The following ZDHHC15 variants were observed in gnomAD, a reference collection of about 807,000 sequenced individuals.
ZDHHC15 encodes the protein palmitoyltransferase ZDHHC15.
In ZDHHC15, 19 loss-of-function variants were observed where a neutral mutation model predicts 31.7. The observed-to-expected ratio is 0.60, with a 90% CI of 0.42 to 0.88. The LOEUF is 0.88. Ranked by LOEUF, ZDHHC15 falls within the 40% of genes least tolerant of loss-of-function variation. ZDHHC15 has a pLI of 0.00. For missense variants in ZDHHC15, 209 were observed against 251.2 expected (o/e 0.83, Z 1.14); for synonymous variants, 103 against 90.0 (o/e 1.14, Z -0.82).
intron 10 of ZDHHC15, among the ~76,000 whole-genome samples, chrX:75,405,600 T>C (rs139440367): frequency 0.021 from 2,331 of 111,493 alleles, 37 homozygotes; most frequent in South Asian, 0.12. Context: ...AAAGGGTCAA[T>C]TCAACAAGAT....
intron 10 of ZDHHC15, among the ~76,000 whole-genome samples, chrX:75,414,930 TA>T (rs1355539663): frequency 2.8e-5 from 3 of 106,639 alleles, no homozygotes; most frequent in Admixed American, 1.0e-4. Context: ...CATACCTGGC[TA>T]TTTTTTTTTT....
At chrX:75,472,995 G>T (rs1256589870) in intron 3 of ZDHHC15, among the ~76,000 whole-genome samples, 1 of 112,069 alleles carries the variant, frequency 8.9e-6, no homozygotes, top group Non-Finnish European at 1.9e-5. Context: ...CCGAATACAG[G>T]TTTACCTATC....
At chrX:75,390,289 C>T (rs777894495) in intron 10 of ZDHHC15, among the ~76,000 whole-genome samples, 1 of 111,998 alleles carries the variant, frequency 8.9e-6, no homozygotes, top group East Asian at 2.8e-4. Context: ...TGGGGGAATT[C>T]GCCACCCAGA....
intron 9 of ZDHHC15, among the ~76,000 whole-genome samples, chrX:75,419,434 A>G: frequency 9.0e-6 from 1 of 111,478 alleles, no homozygotes; most frequent in South Asian, 3.8e-4. Context: ...GCGATCATGA[A>G]AAAGTCAGGA....
At chrX:75,460,008 T>A (rs960993606) in intron 3 of ZDHHC15, among the ~76,000 whole-genome samples, 2 of 112,200 alleles carry the variant, frequency 1.8e-5, no homozygotes, top group Non-Finnish European at 3.8e-5. Flanking sequence ...CCCAAATAGC[T>A]GGGATTACAG....
intron 3 of ZDHHC15, among the ~76,000 whole-genome samples, chrX:75,454,770 A>T (rs1490933860): frequency 1.8e-5 from 2 of 111,294 alleles, no homozygotes; most frequent in Non-Finnish European, 3.8e-5. Flanking sequence ...ATAATAATAA[A>T]AAATAAAAAT....
At chrX:75,451,517 G>A (rs1365491236) in intron 3 of ZDHHC15, among the ~76,000 whole-genome samples, 1 of 111,707 alleles carries the variant, frequency 9.0e-6, no homozygotes, top group East Asian at 2.8e-4. Flanking sequence ...TGCTAATCTT[G>A]CAAAAGATAT....
At chrX:75,499,646 G>T (rs759513885) in intron 2 of ZDHHC15, among the ~76,000 whole-genome samples, 21 of 111,759 alleles carry the variant, frequency 1.9e-4, no homozygotes, top group Non-Finnish European at 3.4e-4. Flanking sequence ...CATGAATGTG[G>T]TAAAAAGGGA....
At chrX:75,470,132 A>G (rs5981874) in intron 3 of ZDHHC15, among the ~76,000 whole-genome samples, 1,537 of 111,150 alleles carry the variant, frequency 0.014, 19 homozygotes, top group African/African-American at 0.048. Flanking sequence ...TGGGATGGGG[A>G]AGGCAGACCC....
At chrX:75,432,682 A>T in intron 4 of ZDHHC15, among the ~76,000 whole-genome samples, 1 of 111,794 alleles carries the variant, frequency 8.9e-6, no homozygotes, top group Middle Eastern at 4.6e-3. Flanking sequence ...GTGATCTGTC[A>T]AAATCTACAT....
intron 2 of ZDHHC15, among the ~76,000 whole-genome samples, chrX:75,486,998 T>C (rs905958800): frequency 1.8e-5 from 2 of 111,667 alleles, no homozygotes; most frequent in East Asian, 5.7e-4. Flanking sequence ...CTAGCCAATG[T>C]AGGGCAAGAT....
intron 5 of ZDHHC15, among the ~76,000 whole-genome samples, chrX:75,430,831 G>T (rs916359483): frequency 9.0e-6 from 1 of 111,266 alleles, no homozygotes; most frequent in Non-Finnish European, 1.9e-5. Flanking sequence ...TCCTCCCCCA[G>T]ATCATATTAC....
intron 2 of ZDHHC15, among the ~76,000 whole-genome samples, chrX:75,489,906 G>C (rs1433448524): frequency 8.9e-6 from 1 of 112,084 alleles, no homozygotes; most frequent in Non-Finnish European, 1.9e-5. Context: ...GGACCTGATG[G>C]AGCTGAAAAA....
chrX:75,479,395 G>A (rs181986877), intron 2 of ZDHHC15, among the ~76,000 whole-genome samples: 168 of 112,158 alleles, frequency 1.5e-3, no homozygotes, highest in Middle Eastern at 4.6e-3. Context: ...AAATTTGTAA[G>A]ATAGGTAATA....
intron 3 of ZDHHC15, among the ~76,000 whole-genome samples, chrX:75,464,234 A>G (rs1302840580): frequency 9.0e-6 from 1 of 110,770 alleles, no homozygotes; most frequent in African/African-American, 3.3e-5. Flanking sequence ...GAATTGAACA[A>G]TGAGTATACT....
intron 10 of ZDHHC15, among the ~76,000 whole-genome samples, chrX:75,387,210 A>C (rs768883283): frequency 1.4e-4 from 16 of 112,391 alleles, no homozygotes; most frequent in Non-Finnish European, 2.6e-4. Context: ...AAACCAAAAC[A>C]AGACAGACAG....
intron 10 of ZDHHC15, among the ~76,000 whole-genome samples, chrX:75,391,154 G>T (rs963694627): frequency 9.0e-6 from 1 of 111,626 alleles, no homozygotes; most frequent in Non-Finnish European, 1.9e-5. Flanking sequence ...TTGAGGACAG[G>T]CTACTTGAAA....
intron 1 of ZDHHC15, among the ~76,000 whole-genome samples, chrX:75,517,959 C>T (rs979909833): frequency 9.3e-5 from 10 of 107,410 alleles, no homozygotes; most frequent in Non-Finnish European, 1.3e-4. Context: ...AGTGAGGTCC[C>T]GTATCAAAAA....
intron 4 of ZDHHC15, among the ~76,000 whole-genome samples, chrX:75,435,790 G>A (rs1389103586): frequency 8.9e-6 from 1 of 111,784 alleles, no homozygotes; most frequent in African/African-American, 3.2e-5. Flanking sequence ...AGGAATATTG[G>A]TCTGCAGTTT....
Sources: gnomAD v4.1 joint callset for allele counts (sites outside exome capture counted in the v4.1 genomes callset) on GRCh38, gnomAD v4.1.1 for gene constraint, MANE v1.5 for transcripts, NCBI Gene and HGNC (gene_info 2026-07-23, HGNC 2026-07-21) for gene names.